NEBL: variants seen among roughly 807,000 people sequenced by gnomAD.
NEBL encodes LIM and SH3 protein 2.
In NEBL, 122 loss-of-function variants were observed where a neutral mutation model predicts 140.2. The ratio of observed to expected loss-of-function variants is 0.87; its 90% CI spans 0.75 to 1.01. The LOEUF is 1.01. Among genes scored for constraint, NEBL ranks in the 50% least tolerant of loss-of-function variants. The pLI is 0.00. For missense variants in NEBL, 1,365 were observed against 1,231.3 expected, an observed-to-expected ratio of 1.11 and a Z score of -1.62; for synonymous variants, 436 against 398.9, an observed-to-expected ratio of 1.09 and a Z score of -1.11.
chr10:21,060,698 T>C (rs1835233902), intron 2 of NEBL, among the ~76,000 whole-genome samples: 1 of 152,100 alleles, frequency 6.6e-6, no homozygotes, highest in East Asian at 1.9e-4. Context: ...TATGCTTGCC[T>C]TCTCTAACTC....
chr10:20,866,244 G>A (rs1423641768), intron 7 of NEBL, among the ~76,000 whole-genome samples: 2 of 151,998 alleles, frequency 1.3e-5, no homozygotes, highest in East Asian at 1.9e-4. Context: ...ATTATTTAAC[G>A]GGTATAGAGT....
chr10:21,065,328 T>C (rs1835486828), intron 2 of NEBL, among the ~76,000 whole-genome samples: 1 of 152,222 alleles, frequency 6.6e-6, no homozygotes. Flanking sequence ...TGTTGTTTTG[T>C]CTTCTTCACA....
intron 3 of NEBL, among the ~76,000 whole-genome samples, chr10:20,976,480 C>T (rs1382501998): frequency 6.6e-6 from 1 of 152,060 alleles, no homozygotes; most frequent in Non-Finnish European, 1.5e-5. Context: ...GTACATTTAT[C>T]ACAGCAGTAG....
At chr10:20,908,898 T>A (rs1234670571) in intron 4 of NEBL, among the ~76,000 whole-genome samples, 1 of 152,252 alleles carries the variant, frequency 6.6e-6, no homozygotes, top group Non-Finnish European at 1.5e-5. Flanking sequence ...TGTATGTTGA[T>A]GTACTCATTC....
At chr10:21,246,960 C>T (rs1395721670) in intron 3 of NEBL, among the ~76,000 whole-genome samples, 1 of 152,168 alleles carries the variant, frequency 6.6e-6, no homozygotes, top group African/African-American at 2.4e-5. Context: ...GTGATTGGAT[C>T]ATGGGTGTGA....
At chr10:21,215,686 G>A (rs1589332289) in intron 3 of NEBL, among the ~76,000 whole-genome samples, 1 of 152,116 alleles carries the variant, frequency 6.6e-6, no homozygotes, top group Non-Finnish European at 1.5e-5. Flanking sequence ...TTTGAGACAG[G>A]GTCTTACTCT....
intron 4 of NEBL, among the ~76,000 whole-genome samples, chr10:20,923,726 G>C (rs899112687): frequency 6.1e-5 from 8 of 131,716 alleles, no homozygotes; most frequent in African/African-American, 2.3e-4. Flanking sequence ...CTATTTGGAA[G>C]TGACCACAGC....
At chr10:21,183,988 T>A (rs753400478) in intron 3 of NEBL, among the ~76,000 whole-genome samples, 3 of 152,186 alleles carry the variant, frequency 2.0e-5, no homozygotes, top group Non-Finnish European at 4.4e-5. Flanking sequence ...ACCTTCCACC[T>A]TCCACCATGA....
chr10:21,200,143 C>T lies in NEBL; in HGVS notation n.349-27666G>A, dbSNP rs529749359. Among the ~76,000 whole-genome samples, 4 of 152,086 alleles carry T rather than the reference C, an allele frequency of 2.6e-5. No homozygotes were observed. The East Asian group carries it at 7.8e-4, about 30-fold the overall frequency. On this transcript the variant is annotated intron_variant and non_coding_transcript_variant, in intron 3 of 8. Transcript: ENST00000675702. Reference sequence around the variant, plus strand: ...CCCCAGCCCAACCCTGCATTCCTCGCTACCCTACAGGTGCTGCACCAAAGA... The same window carrying T: ...CCCCAGCCCAACCCTGCATTCCTCGTTACCCTACAGGTGCTGCACCAAAGA...
chr10:20,812,458 T>C (rs948890834), intron 24 of NEBL, among the ~76,000 whole-genome samples: 7 of 150,316 alleles, frequency 4.7e-5, no homozygotes, highest in Admixed American at 1.3e-4. Context: ...CTCCTAATGC[T>C]ATCCCTCCCC....
chr10:20,970,952 G>T (rs543854637), intron 3 of NEBL, among the ~76,000 whole-genome samples: 1 of 152,212 alleles, frequency 6.6e-6, no homozygotes, highest in East Asian at 1.9e-4. Context: ...AAGTGAAAGT[G>T]GAACCAATTG....
chr10:20,896,579 T>TA (rs367852361), intron 2 of NEBL, among the ~76,000 whole-genome samples: 2,326 of 146,168 alleles, frequency 0.016, 36 homozygotes, highest in African/African-American at 0.045. Flanking sequence ...CCCAAAATGT[T>TA]AAAAAAATGA....
rs551489045 is a variant in NEBL, at chr10:21,272,830, C to G, written n.182+20000G>C. On this transcript the variant is annotated intron_variant and non_coding_transcript_variant, in intron 1 of 8. Coordinates refer to the NEBL transcript ENST00000675702. ...GTCCTTTATCTTCCTCCTCCCTGGA[C>G]AGTTGAGCGTGCATTTTTTGCTTTA... Among the ~76,000 whole-genome samples the G allele has an allele frequency of 1.6e-4, 24 of 152,224 alleles. No individual in the cohort carries two copies. The South Asian group carries it at 2.1e-3, about 13-fold the overall frequency.
At chr10:21,068,925 A>G (rs1428597588) in intron 2 of NEBL, among the ~76,000 whole-genome samples, 1 of 152,128 alleles carries the variant, frequency 6.6e-6, no homozygotes, top group East Asian at 1.9e-4. Context: ...TCACTCTGTC[A>G]CCCAGACTAC....
At chr10:21,060,932 G>T (rs936066179) in intron 2 of NEBL, among the ~76,000 whole-genome samples, 8 of 152,000 alleles carry the variant, frequency 5.3e-5, no homozygotes, top group Non-Finnish European at 1.0e-4. Flanking sequence ...TGCTCCTTTG[G>T]TTCTCTTACT....
chr10:21,031,424 A>G (rs1304372838), intron 2 of NEBL, among the ~76,000 whole-genome samples: 1 of 152,238 alleles, frequency 6.6e-6, no homozygotes, highest in African/African-American at 2.4e-5. Context: ...AGGCATAGCA[A>G]TGAAGATTGG....
chr10:21,163,121 G>T (rs184686082), intron 2 of NEBL, among the ~76,000 whole-genome samples: 1 of 152,330 alleles, frequency 6.6e-6, no homozygotes, highest in Admixed American at 6.5e-5. Flanking sequence ...TAGCAGCCCA[G>T]TGTGGCTGGA....
intron 3 of NEBL, among the ~76,000 whole-genome samples, chr10:21,247,017 T>A (rs1842525560): frequency 6.6e-6 from 1 of 152,060 alleles, no homozygotes; most frequent in Non-Finnish European, 1.5e-5. Flanking sequence ...TCTCATGAGA[T>A]CTGGCAGTTT....
intron 4 of NEBL, among the ~76,000 whole-genome samples, chr10:20,950,010 C>T (rs1171671663): frequency 6.6e-6 from 1 of 152,152 alleles, no homozygotes; most frequent in Non-Finnish European, 1.5e-5. Context: ...CAATTCCTTT[C>T]CCTCCTAAAC....
Sources: gnomAD v4.1 joint callset for allele counts (sites outside exome capture counted in the v4.1 genomes callset) on GRCh38, gnomAD v4.1.1 for gene constraint, MANE v1.5 for transcripts, NCBI Gene and HGNC (gene_info 2026-07-23, HGNC 2026-07-21) for gene names.